DLG2: variants seen among roughly 807,000 people sequenced by gnomAD.
DLG2 encodes discs large MAGUK scaffold protein 2, also known as disks large homolog 2.
DLG2 carries 45 observed loss-of-function variants against 132.5 expected under a neutral mutation model. That is an observed-to-expected ratio of 0.34 (90% CI 0.27 to 0.44). The LOEUF (loss-of-function observed/expected upper bound fraction) is 0.44. Among genes scored for constraint, DLG2 ranks in the 20% least tolerant of loss-of-function variants. The pLI is 1.00. For synonymous variants in DLG2, 424 were observed against 419.6 expected (o/e 1.01, Z -0.13); for missense variants, 1,045 against 1,196.9 (o/e 0.87, Z 1.87).
In DLG2 at chr11:83,633,243, C is replaced by T; in HGVS notation, c.1908G>A (p.Leu636=). 6.2e-7 allele frequency: 1 copy of T among 1,613,704 alleles called. No individual in the cohort carries two copies. Among genetic ancestry groups the T allele is most frequent in the East Asian group, 2.2e-5 (1 of 44,850 alleles). The change falls in exon 19 of 28, where the codon CTG becomes CTA. Residue 636 remains leucine (L), a synonymous_variant. Coordinates refer to ENST00000376104, the MANE Select transcript of DLG2 (RefSeq NM_001142699.3). ...NHSMSSGSGS[L]RTNQKRSLYV... ...AGAGGGAGCGTTTCTGATTGGTTCG[C>T]AGGGATCCGGACCCGGAGCTCATGC...
chr11:83,630,974 G>A (rs968937445), intron 19 of DLG2, among the ~76,000 whole-genome samples: 1 of 152,118 alleles, frequency 6.6e-6, no homozygotes, highest in African/African-American at 2.4e-5. Flanking sequence ...AACCCTGCTA[G>A]TAATTTATTC....
chr11:84,365,301 G>A (rs1335945025), intron 7 of DLG2, among the ~76,000 whole-genome samples: 1 of 152,112 alleles, frequency 6.6e-6, no homozygotes, highest in Non-Finnish European at 1.5e-5. Flanking sequence ...TATTTGCGTA[G>A]AGGTGTTTGT....
At chr11:83,715,261 T>C (rs2086431793) in intron 18 of DLG2, among the ~76,000 whole-genome samples, 1 of 152,182 alleles carries the variant, frequency 6.6e-6, no homozygotes, top group African/African-American at 2.4e-5. Flanking sequence ...ATCAAGAATA[T>C]CTTCTCCATA....
rs529824602 is a variant in DLG2, at chr11:85,349,767, T to C, written c.41-64402A>G. 2.6e-5 allele frequency among the ~76,000 whole-genome samples: 4 copies of C among 152,302 alleles called. No individual in the cohort carries two copies. The East Asian group carries it at 7.7e-4, about 29-fold the overall frequency. On this transcript the variant is annotated intron_variant, in intron 3 of 27. Coordinates refer to ENST00000376104, the MANE Select transcript of DLG2 (RefSeq NM_001142699.3). The stretch of plus-strand genomic sequence containing the variant: ...CATCCTTTTTTATGGCTGCATAGTA[T>C]TCCATGGTGTATATGTGCCACATTT...
intron 14 of DLG2, among the ~76,000 whole-genome samples, chr11:83,956,077 G>A (rs1404297108): frequency 1.3e-5 from 2 of 151,968 alleles, no homozygotes; most frequent in Admixed American, 6.5e-5. Flanking sequence ...TTCCTCCAGC[G>A]AACCCTGACT....
At chr11:85,064,590 A>G (rs1340364610) in intron 6 of DLG2, among the ~76,000 whole-genome samples, 3 of 151,772 alleles carry the variant, frequency 2.0e-5, no homozygotes, top group African/African-American at 7.2e-5. Flanking sequence ...AAAATTGATT[A>G]TGTAGGAAAG....
At chr11:84,004,770 A>C (rs2094500128) in intron 11 of DLG2, among the ~76,000 whole-genome samples, 1 of 151,972 alleles carries the variant, frequency 6.6e-6, no homozygotes, top group South Asian at 2.1e-4. Flanking sequence ...TGATGAAAGA[A>C]ATTAAAGAGG....
intron 7 of DLG2, among the ~76,000 whole-genome samples, chr11:84,270,287 A>C (rs1301575417): frequency 1.3e-5 from 2 of 152,240 alleles, no homozygotes; most frequent in Non-Finnish European, 2.9e-5. Context: ...CTAAAAGATA[A>C]GAAAAGTTCT....
chr11:84,362,732 T>C (rs2098657092), intron 7 of DLG2, among the ~76,000 whole-genome samples: 1 of 152,080 alleles, frequency 6.6e-6, no homozygotes, highest in African/African-American at 2.4e-5. Context: ...ATTGTTCAAT[T>C]CCCACCTATG....
At chr11:84,629,894 C>A (rs2099628657) in intron 6 of DLG2, among the ~76,000 whole-genome samples, 1 of 152,036 alleles carries the variant, frequency 6.6e-6, no homozygotes, top group Admixed American at 6.6e-5. Flanking sequence ...ATAAGTTCCT[C>A]TACTTTTTTC....
chr11:83,698,131 G>A (rs1457250755), intron 18 of DLG2, among the ~76,000 whole-genome samples: 1 of 152,208 alleles, frequency 6.6e-6, no homozygotes, highest in East Asian at 1.9e-4. Context: ...ACAGGGTTGT[G>A]ATGGGGAGTA....
intron 6 of DLG2, among the ~76,000 whole-genome samples, chr11:84,898,227 T>C (rs1386753150): frequency 6.6e-6 from 1 of 151,930 alleles, no homozygotes; most frequent in Non-Finnish European, 1.5e-5. Context: ...GAGTAAAAAA[T>C]TTCTAATCAG....
intron 22 of DLG2, among the ~76,000 whole-genome samples, chr11:83,473,121 C>T (rs1379068097): frequency 6.6e-6 from 1 of 152,062 alleles, no homozygotes; most frequent in African/African-American, 2.4e-5. Context: ...GGAAAGGGTC[C>T]AATTCAATAG....
chr11:84,910,107 A>G (rs2091918416), intron 6 of DLG2, among the ~76,000 whole-genome samples: 1 of 152,234 alleles, frequency 6.6e-6, no homozygotes, highest in African/African-American at 2.4e-5. Flanking sequence ...AGGAAATTGG[A>G]GGTGGGCAGC....
chr11:84,008,139 C>A (rs949706574), intron 11 of DLG2, among the ~76,000 whole-genome samples: 1 of 151,736 alleles, frequency 6.6e-6, no homozygotes, highest in Non-Finnish European at 1.5e-5. Flanking sequence ...TTTTATTTCT[C>A]AAACTCTCTT....
At chr11:84,767,528 C>G (rs188106333) in intron 6 of DLG2, among the ~76,000 whole-genome samples, 17 of 152,008 alleles carry the variant, frequency 1.1e-4, no homozygotes. Flanking sequence ...ATATGAGGAG[C>G]CTTAAAGGTC....
intron 9 of DLG2, among the ~76,000 whole-genome samples, chr11:84,142,447 G>T (rs1053436249): frequency 1.3e-5 from 2 of 152,074 alleles, no homozygotes; most frequent in African/African-American, 2.4e-5. Context: ...AACACATCAC[G>T]ATGAAGTCTT....
intron 18 of DLG2, among the ~76,000 whole-genome samples, chr11:83,644,499 A>C (rs746536860): frequency 2.8e-4 from 42 of 152,080 alleles, no homozygotes; most frequent in Admixed American, 3.3e-4. Flanking sequence ...ACCTAGCTAG[A>C]TTCTCCCTCA....
chr11:85,150,897 G>A (rs967139985), intron 5 of DLG2, among the ~76,000 whole-genome samples: 16 of 152,132 alleles, frequency 1.1e-4, no homozygotes, highest in Admixed American at 4.6e-4. Flanking sequence ...TTACCCAGAG[G>A]TGGAATTGCT....
Sources: allele counts gnomAD v4.1 joint callset (sites outside exome capture counted in the v4.1 genomes callset), GRCh38; gene constraint gnomAD v4.1.1; transcripts MANE v1.5; gene names NCBI Gene and HGNC (gene_info 2026-07-23, HGNC 2026-07-21).